SGCZ: variants seen among roughly 807,000 people sequenced by gnomAD.
The protein encoded by SGCZ is sarcoglycan zeta, also known as zeta-sarcoglycan.
In SGCZ, 40 loss-of-function variants were observed where a neutral mutation model predicts 41.3. That is an observed-to-expected ratio of 0.97 (90% CI 0.75 to 1.26). The LOEUF is 1.26. SGCZ is among the 50% of genes most tolerant of loss of function. The pLI is 0.00. For synonymous variants in SGCZ, 206 were observed against 137.5 expected (o/e 1.50, Z -3.49); for missense variants, 552 against 369.8 (o/e 1.49, Z -4.04).
At chr8:14,517,723 AT>A (rs1802664733) in intron 2 of SGCZ, among the ~76,000 whole-genome samples, 2 of 151,928 alleles carry the variant, frequency 1.3e-5, no homozygotes, top group Admixed American at 1.3e-4. Context: ...GCTTGATAAT[AT>A]TTTCAATTTT....
At chr8:14,326,669 A>C (rs1464377005) in intron 2 of SGCZ, among the ~76,000 whole-genome samples, 1 of 152,206 alleles carries the variant, frequency 6.6e-6, no homozygotes, top group Non-Finnish European at 1.5e-5. Flanking sequence ...TGAATGAACG[A>C]TTTCAAGTGG....
intron 1 of SGCZ, among the ~76,000 whole-genome samples, chr8:14,855,683 G>A (rs1300577851): frequency 6.6e-6 from 1 of 152,160 alleles, no homozygotes; most frequent in East Asian, 1.9e-4. Flanking sequence ...TATTGCAAAT[G>A]CCAACAGAGG....
intron 1 of SGCZ, among the ~76,000 whole-genome samples, chr8:14,874,460 A>G (rs1804274938): frequency 6.6e-6 from 1 of 152,090 alleles, no homozygotes; most frequent in African/African-American, 2.4e-5. Context: ...ATCCTTGGGG[A>G]TGGGAGATGA....
chr8:14,584,426 A>G (rs763593623), intron 1 of SGCZ, among the ~76,000 whole-genome samples: 3 of 152,140 alleles, frequency 2.0e-5, no homozygotes, highest in Non-Finnish European at 2.9e-5. Context: ...TTTTAAATGT[A>G]TGATAAATAA....
chr8:14,517,860 C>A (rs1802670772), intron 2 of SGCZ, among the ~76,000 whole-genome samples: 1 of 151,538 alleles, frequency 6.6e-6, no homozygotes, highest in African/African-American at 2.4e-5. Context: ...GTAGTATTAT[C>A]ATATTTTTAA....
chr8:15,064,741 G>C (rs1585526917), intron 1 of SGCZ, among the ~76,000 whole-genome samples: 1 of 152,016 alleles, frequency 6.6e-6, no homozygotes, highest in Non-Finnish European at 1.5e-5. Context: ...CCCTAGTTTG[G>C]GGGGATCAGT....
chr8:14,126,191 G>A (rs1802853673), intron 5 of SGCZ, among the ~76,000 whole-genome samples: 1 of 152,062 alleles, frequency 6.6e-6, no homozygotes, highest in African/African-American at 2.4e-5. Context: ...GAGTGAACAG[G>A]CAACCTACAG....
At chr8:15,190,262 T>C (rs1800487972) in intron 1 of SGCZ, among the ~76,000 whole-genome samples, 1 of 152,190 alleles carries the variant, frequency 6.6e-6, no homozygotes, top group Non-Finnish European at 1.5e-5. Flanking sequence ...CAGAGTGCCA[T>C]CATCTGCGTA....
intron 1 of SGCZ, among the ~76,000 whole-genome samples, chr8:15,231,536 C>T (rs1303424165): frequency 6.6e-6 from 1 of 151,174 alleles, no homozygotes; most frequent in East Asian, 1.9e-4. Flanking sequence ...TATAGATAAA[C>T]CCATGTTTCT....
At chr8:14,110,169 G>A (rs1802329556) in intron 5 of SGCZ, among the ~76,000 whole-genome samples, 1 of 152,154 alleles carries the variant, frequency 6.6e-6, no homozygotes, top group East Asian at 1.9e-4. Flanking sequence ...TTATAGTGGG[G>A]ATAGCATTTG....
intron 1 of SGCZ, among the ~76,000 whole-genome samples, chr8:14,995,857 A>G (rs1802196865): frequency 6.6e-6 from 1 of 152,118 alleles, no homozygotes; most frequent in Non-Finnish European, 1.5e-5. Flanking sequence ...TTGTAATCCT[A>G]TGCTTTTATG....
chr8:14,093,949 C>G (rs1801765537), intron 7 of SGCZ, among the ~76,000 whole-genome samples: 1 of 151,848 alleles, frequency 6.6e-6, no homozygotes, highest in Non-Finnish European at 1.5e-5. Flanking sequence ...AGGATAGGGC[C>G]TGTCTTTGGT....
chr8:15,057,062 C>T (rs1448481615), intron 1 of SGCZ, among the ~76,000 whole-genome samples: 1 of 152,208 alleles, frequency 6.6e-6, no homozygotes, highest in African/African-American at 2.4e-5. Context: ...CCGCAGTGCC[C>T]TTAATTGGGT....
In SGCZ at chr8:14,464,755, T is replaced by C. The variant is rs555568189; in HGVS notation, c.234+89977A>G. On this transcript the variant is annotated intron_variant, in intron 2 of 7. Coordinates refer to ENST00000382080, the MANE Select transcript of SGCZ (RefSeq NM_139167.4). Reference sequence around the variant, plus strand: ...TATAAATACGCCATGTAACACTGATTTTGGTGTATTCTTTAAGTTTTGCTA... The same window carrying C: ...TATAAATACGCCATGTAACACTGATCTTGGTGTATTCTTTAAGTTTTGCTA... Among the ~76,000 whole-genome samples the C allele has an allele frequency of 2.6e-5, 4 of 151,700 alleles. No homozygotes were observed. In the South Asian group the frequency reaches 6.2e-4, roughly 24 times the overall value.
At chr8:14,214,883 T>G (rs1281934210) in intron 4 of SGCZ, among the ~76,000 whole-genome samples, 1 of 151,258 alleles carries the variant, frequency 6.6e-6, no homozygotes, top group African/African-American at 2.4e-5. Flanking sequence ...AATGATAGAG[T>G]TGAGGAGAAA....
chr8:14,782,654 G>A (rs1800626243), intron 1 of SGCZ, among the ~76,000 whole-genome samples: 1 of 143,742 alleles, frequency 7.0e-6, no homozygotes, highest in South Asian at 2.3e-4. Context: ...GAAGATAAGG[G>A]TTTTAGATGA....
intron 1 of SGCZ, among the ~76,000 whole-genome samples, chr8:14,808,667 T>C (rs977990036): frequency 6.6e-6 from 1 of 152,134 alleles, no homozygotes; most frequent in Non-Finnish European, 1.5e-5. Flanking sequence ...TGGAAGTCAG[T>C]GTGGCGATTC....
intron 1 of SGCZ, among the ~76,000 whole-genome samples, chr8:15,024,102 C>T (rs1455740907): frequency 6.6e-6 from 1 of 152,148 alleles, no homozygotes; most frequent in Non-Finnish European, 1.5e-5. Flanking sequence ...GTATGTTATT[C>T]ACAGTGGGGT....
chr8:14,711,596 T>C (rs966030196), intron 1 of SGCZ, among the ~76,000 whole-genome samples: 1 of 71,568 alleles, frequency 1.4e-5, no homozygotes, highest in Middle Eastern at 7.6e-3. Flanking sequence ...AGTGAGACTC[T>C]GTAAAAAAAA....
Sources: gnomAD v4.1 joint callset for allele counts (sites outside exome capture counted in the v4.1 genomes callset) on GRCh38, gnomAD v4.1.1 for gene constraint, MANE v1.5 for transcripts, NCBI Gene and HGNC (gene_info 2026-07-23, HGNC 2026-07-21) for gene names.